The following ZIM3 variants were observed in gnomAD, a reference collection of about 807,000 sequenced individuals.
ZIM3 encodes zinc finger imprinted 3, also known as zinc finger protein 657.
Under a neutral mutation model 12.9 loss-of-function variants are expected in ZIM3, and 11 were observed. That is an observed-to-expected ratio of 0.85 (90% CI 0.54 to 1.41). The LOEUF is 1.41. Ranked by LOEUF, ZIM3 falls within the 40% of genes most tolerant of loss-of-function variation. ZIM3 has a pLI of 0.00. For synonymous variants in ZIM3, 205 were observed against 198.5 expected, an observed-to-expected ratio of 1.03 and a Z score of -0.28; for missense variants, 604 against 557.2, an observed-to-expected ratio of 1.08 and a Z score of -0.85.
intron 3 of ZIM3, among the ~76,000 whole-genome samples, 174 bp from the exon 4 acceptor site, chr19:57,137,145 T>C (rs1473456724): frequency 6.6e-6 from 1 of 152,092 alleles, no homozygotes; most frequent in Non-Finnish European, 1.5e-5. Context: ...GTTGTGTGGA[T>C]GGATGGTTTG....
chr19:57,138,923 G>A (rs1390763660), intron 2 of ZIM3, among the ~76,000 whole-genome samples: 1 of 152,180 alleles, frequency 6.6e-6, no homozygotes, highest in Non-Finnish European at 1.5e-5. Context: ...GAGTATGGTG[G>A]CTCACACCTA....
Position 57,142,828 on chromosome 19 carries a change from C to T in ZIM3, c.-42-143G>A. 7.0e-6 allele frequency: 4 copies of T among 570,902 alleles called. No homozygotes were observed. In the South Asian group the frequency reaches 1.0e-4, roughly 15 times the overall value. The allele number at this position is 570,902 out of a possible 1,614,324, so 35.4% of individuals were successfully genotyped here. A position where few individuals can be genotyped will look rare whatever the true frequency, so the allele number is the denominator to read the frequency against. On this transcript the variant is annotated intron_variant, in intron 1 of 4. Transcript: ENST00000269834. The stretch of plus-strand genomic sequence containing the variant: ...GCCCTGACTTGTACCTCAGTGATCC[C>T]CTTCTGAAGGTCTTTTTTTTTTTTG...
At chr19:57,140,919 A>T (rs7250354) in intron 2 of ZIM3, among the ~76,000 whole-genome samples, 68,228 of 152,112 alleles carry the variant, frequency 0.45, 16,315 homozygotes, top group South Asian at 0.56. Flanking sequence ...GGTACTAGTT[A>T]ATGATTTTTC....
intron 1 of ZIM3, 138 bp from the exon 2 acceptor site, chr19:57,142,823 G>A (rs752270022): frequency 1.7e-6 from 1 of 592,214 alleles, no homozygotes; most frequent in Non-Finnish European, 2.9e-6. Context: ...GTACCTCAGT[G>A]ATCCCCTTCT....
rs1223110171 is a variant in ZIM3, at chr19:57,134,612, A to T, written c.*306T>A. ...TATAGTCTTTTAAACGTTTTTAAAG[A>T]TATGGATACCACTGGTCATTATTCA... On this transcript the variant is annotated 3_prime_UTR_variant, in exon 5 of 5. Coordinates refer to ENST00000269834, the MANE Select transcript of ZIM3 (RefSeq NM_052882.1). 3.7e-6 allele frequency: 1 copy of T among 270,800 alleles called. No individual in the cohort carries two copies. The highest frequency in any genetic ancestry group is 2.2e-5 in the African/African-American group (1 of 45,236). 16.8% of individuals were successfully genotyped at this position (270,800 alleles called of 1,614,324 possible).
rs1446728074 is a variant in ZIM3, at chr19:57,135,183, T to C, written c.1154A>G (p.His385Arg). 1.2e-6 allele frequency: 2 copies of C among 1,613,948 alleles called. No homozygotes were observed. Among genetic ancestry groups the C allele is most frequent in the Non-Finnish European group, 1.7e-6 (2 of 1,179,924 alleles). The change falls in exon 5 of 5, where the codon CAT becomes CGT. Residue 385 changes from histidine (H) to arginine (R), a missense_variant. Transcript: ENST00000269834. Reference protein sequence around the residue: ...KKNLIQHKKIHTGEKPYECNR... With the variant: ...KKNLIQHKKIRTGEKPYECNR... ...ACATTCATAGGGCTTTTCCCCAGTATGGATTTTTTTATGTTGAATGAGGTT... is the reference window on the plus strand; with the variant it reads ...ACATTCATAGGGCTTTTCCCCAGTACGGATTTTTTTATGTTGAATGAGGTT...
rs1169119627 is a variant in ZIM3 at position 57,142,681 on chromosome 19, C to G, written c.-38G>C. 6.2e-6 allele frequency: 10 copies of G among 1,609,868 alleles called. No individual in the cohort carries two copies. Among genetic ancestry groups the G allele is most frequent in the Middle Eastern group, 1.7e-4 (1 of 6,042 alleles). ...ACCAGTCAGTAAAGTCTTGGGAAGGCAGATCTGAGGGAAAATGGAAAAGAA... is the reference window on the plus strand; with the variant it reads ...ACCAGTCAGTAAAGTCTTGGGAAGGGAGATCTGAGGGAAAATGGAAAAGAA... On this transcript the variant is annotated 5_prime_UTR_variant, in exon 2 of 5. Coordinates refer to ENST00000269834, the MANE Select transcript of ZIM3 (RefSeq NM_052882.1).
intron 2 of ZIM3, among the ~76,000 whole-genome samples, chr19:57,139,493 A>G (rs1401392746): frequency 1.3e-5 from 2 of 152,106 alleles, no homozygotes; most frequent in African/African-American, 4.8e-5. Context: ...CAGGAGGCTG[A>G]GACAGGTGGA....
chr19:57,139,743 A>G (rs1476679915), intron 2 of ZIM3, among the ~76,000 whole-genome samples: 3 of 152,158 alleles, frequency 2.0e-5, no homozygotes, highest in African/African-American at 7.2e-5. Context: ...AAATACATAA[A>G]TAAGTAGAAT....
Position 57,143,188 on chromosome 19 carries a change from A to G in ZIM3, c.-42-503T>C, listed in dbSNP as rs545508731. 1.2e-3 allele frequency among the ~76,000 whole-genome samples: 177 copies of G among 151,860 alleles called. 3 individuals are homozygous for G. Among genetic ancestry groups the G allele is most frequent in the African/African-American group, 2.1e-3 (89 of 41,422 alleles). ...TAAAAATACAAAAACAAAATTAGCC[A>G]GGCGTGGTGGCGGGCGCCTGTAGTC... On this transcript the variant is annotated intron_variant, in intron 1 of 4. Transcript: ENST00000269834.
intron 2 of ZIM3, among the ~76,000 whole-genome samples, chr19:57,140,994 C>T (rs1053359572): frequency 6.6e-6 from 1 of 152,152 alleles, no homozygotes; most frequent in African/African-American, 2.4e-5. Flanking sequence ...GGAGAGGACA[C>T]ACATTCAAGA....
chr19:57,137,502 C>T (rs1007339457), intron 3 of ZIM3, among the ~76,000 whole-genome samples: 1 of 151,666 alleles, frequency 6.6e-6, no homozygotes, highest in African/African-American at 2.4e-5. Flanking sequence ...TATCTGAGGT[C>T]AGGAGTTCAA....
At chr19:57,138,679 C>G in intron 2 of ZIM3, 81 bp from the exon 3 acceptor site, 2 of 1,536,188 alleles carry the variant, frequency 1.3e-6, no homozygotes, top group South Asian at 1.2e-5. Flanking sequence ...TTCTGCTGAA[C>G]CAAGCTTTAA....
Position 57,134,364 on chromosome 19 carries a change from C to T in ZIM3, c.*554G>A, listed in dbSNP as rs1174728300. ...GTGCAATATTGGCTCACTGCAACCT[C>T]TACCTCCCAGGTTCAAGCAATTCTC... On this transcript the variant is annotated 3_prime_UTR_variant, in exon 5 of 5. Coordinates refer to ENST00000269834, the MANE Select transcript of ZIM3 (RefSeq NM_052882.1). The T allele has an allele frequency of 3.9e-5, 6 of 152,886 alleles. No individual in the cohort carries two copies. The highest frequency in any genetic ancestry group is 3.9e-4 in the Admixed American group (6 of 15,366). 9.5% of individuals were successfully genotyped at this position (152,886 alleles called of 1,614,324 possible). A position where few individuals can be genotyped will look rare whatever the true frequency, so the allele number is the denominator to read the frequency against.
intron 2 of ZIM3, among the ~76,000 whole-genome samples, chr19:57,140,950 A>T (rs1038728135): frequency 1.3e-5 from 2 of 152,240 alleles, no homozygotes; most frequent in African/African-American, 4.8e-5. Flanking sequence ...GTGGATTTAC[A>T]GAATTTGTTT....
chr19:57,141,439 T>C (rs2086913723), intron 2 of ZIM3, among the ~76,000 whole-genome samples: 1 of 150,860 alleles, frequency 6.6e-6, no homozygotes. Context: ...ACAAAGATGC[T>C]TGAGCTGAAA....
intron 1 of ZIM3, 142 bp downstream of exon 1, chr19:57,144,717 A>T (rs1460936802): frequency 6.6e-6 from 1 of 152,196 alleles, no homozygotes; most frequent in Admixed American, 6.5e-5. Context: ...CTAAAAAAAA[A>T]ATCTAAACTA....
intron 2 of ZIM3, 152 bp from the exon 3 acceptor site, chr19:57,138,750 A>G: frequency 9.7e-7 from 1 of 1,033,910 alleles, no homozygotes; most frequent in Non-Finnish European, 1.4e-6. Flanking sequence ...GATCTTGCCA[A>G]TGAGCCATAA....
At position 57,138,408 on chromosome 19, in the gene ZIM3, A is replaced by G. The variant is rs201576014; in HGVS notation, c.142+64T>C. The G allele has an allele frequency of 5.7e-4, 911 of 1,612,120 alleles. 1 individual carries two copies. The highest frequency in any genetic ancestry group is 7.3e-4 in the Non-Finnish European group (860 of 1,179,126). On this transcript the variant is annotated intron_variant, in intron 3 of 4. Transcript: ENST00000269834. ...CTGTGCCAACCCTATTTGGCCAGCC[A>G]TGGGGTGTCTGTGTGTTTCACGCCT...
Sources: allele counts gnomAD v4.1 joint callset (sites outside exome capture counted in the v4.1 genomes callset), GRCh38; gene constraint gnomAD v4.1.1; transcripts MANE v1.5; gene names NCBI Gene and HGNC (gene_info 2026-07-23, HGNC 2026-07-21).